The following DYNLRB2 variants were observed in gnomAD, a reference collection of about 807,000 sequenced individuals.
DYNLRB2 encodes the protein dynein light chain roadblock-type 2, also known as bithoraxoid-like protein.
Under a neutral mutation model 12.6 loss-of-function variants are expected in DYNLRB2, and 14 were observed. The observed-to-expected ratio is 1.11, with a 90% CI of 0.73 to 1.73. The LOEUF (loss-of-function observed/expected upper bound fraction) is 1.73, where lower values mean the gene tolerates loss of function less well. DYNLRB2 is among the 40% of genes most tolerant of loss of function. DYNLRB2 has a pLI of 0.00. For missense variants in DYNLRB2, 142 were observed against 117.7 expected, an observed-to-expected ratio of 1.21 and a Z score of -0.95; for synonymous variants, 53 against 37.0, an observed-to-expected ratio of 1.43 and a Z score of -1.57.
chr16:80,540,883 C>A, upstream of DYNLRB2: 1 of 987,170 alleles, frequency 1.0e-6, no homozygotes, highest in Non-Finnish European at 1.6e-6. Flanking sequence ...CTTCCGCGAA[C>A]CTTCGCCTAC....
At chr16:80,541,475 C>A (rs1033477923) in intron 1 of DYNLRB2, 2 of 815,370 alleles carry the variant, frequency 2.5e-6, no homozygotes, top group Non-Finnish European at 3.0e-6. Flanking sequence ...AGAGGTGGGA[C>A]AGGGAAAGCA....
rs1904285079 is a variant in DYNLRB2, at chr16:80,541,195, A to G, written c.3+116A>G. ...ACGGGCGGTCCAGGGGCCGCGGCGG[A>G]GGCTGGTGGCTCCAGGATCTTCCTG... On this transcript the variant is annotated intron_variant, in intron 1 of 3. Transcript: ENST00000305904. The G allele has an allele frequency of 2.1e-6, 3 of 1,461,392 alleles. No homozygotes were observed. The Admixed American group carries it at 8.1e-5, about 39-fold the overall frequency. The allele number at this position is 1,461,392 out of a possible 1,614,324, so 90.5% of individuals were successfully genotyped here. A position where few individuals can be genotyped will look rare whatever the true frequency, so the allele number is the denominator to read the frequency against.
chr16:80,541,532 G>C (rs1904288103), intron 1 of DYNLRB2: 5 of 406,946 alleles, frequency 1.2e-5, no homozygotes, highest in Non-Finnish European at 1.7e-5. Flanking sequence ...AGAAGAAAGG[G>C]AAATAAAGAA....
chr16:80,544,109 C>A (rs1904320494), intron 2 of DYNLRB2, among the ~76,000 whole-genome samples: 1 of 152,140 alleles, frequency 6.6e-6, no homozygotes. Flanking sequence ...TGGAATTGGC[C>A]TATTACCAAC....
intron 2 of DYNLRB2, chr16:80,544,913 C>T (rs1904356404): frequency 6.6e-6 from 1 of 152,078 alleles, no homozygotes; most frequent in African/African-American, 2.4e-5. Context: ...TTATAAGAAC[C>T]CCAGTTATTG....
chr16:80,550,716 T>G lies in DYNLRB2; in HGVS notation c.*158T>G. Reference sequence around the variant, plus strand: ...GCATGTCTCATTTAGTCCCTTTTGATTATATTGTGAAGTTGTACTTTAGTG... The same window carrying G: ...GCATGTCTCATTTAGTCCCTTTTGAGTATATTGTGAAGTTGTACTTTAGTG... On this transcript the variant is annotated 3_prime_UTR_variant, in exon 4 of 4. Coordinates refer to ENST00000305904, the MANE Select transcript of DYNLRB2 (RefSeq NM_130897.3). 1.3e-6 allele frequency: 1 copy of G among 772,576 alleles called. No homozygotes were observed. The highest frequency in any genetic ancestry group is 2.1e-6 in the Non-Finnish European group (1 of 474,554). 47.9% of individuals were successfully genotyped at this position (772,576 alleles called of 1,614,324 possible).
chr16:80,543,431 C>T (rs1312811334), intron 2 of DYNLRB2, 80 bp downstream of exon 2: 1 of 1,354,260 alleles, frequency 7.4e-7, no homozygotes, highest in South Asian at 1.3e-5. Context: ...TTAAGACAAA[C>T]ATCTTCGAAT....
chr16:80,545,578 G>A (rs1904401946), intron 2 of DYNLRB2, among the ~76,000 whole-genome samples: 1 of 148,644 alleles, frequency 6.7e-6, no homozygotes, highest in Non-Finnish European at 1.5e-5. Context: ...GATGAAAAGT[G>A]ATTTTCACTT....
At chr16:80,547,783 T>C in intron 2 of DYNLRB2, 1 of 456,658 alleles carries the variant, frequency 2.2e-6, no homozygotes, top group Non-Finnish European at 4.4e-6. Flanking sequence ...CCTTCAAGTA[T>C]GCAAGACAGC....
At chr16:80,541,908 A>G (rs1278405958) in intron 1 of DYNLRB2, among the ~76,000 whole-genome samples, 3 of 152,250 alleles carry the variant, frequency 2.0e-5, no homozygotes, top group African/African-American at 7.2e-5. Flanking sequence ...TCTCAAAGTC[A>G]GATGCAAACA....
At position 80,550,569 on chromosome 16, in the gene DYNLRB2, G is replaced by T. The variant is rs770603577; in HGVS notation, c.*11G>T. The stretch of plus-strand genomic sequence containing the variant: ...AATCCATGTGAATAGACCTGCGATG[G>T]CCAAGGCTGTTTAAGCGACACTGGG... On this transcript the variant is annotated 3_prime_UTR_variant, in exon 4 of 4. Coordinates refer to ENST00000305904, the MANE Select transcript of DYNLRB2 (RefSeq NM_130897.3). 2 of 1,614,142 alleles carry T rather than the reference G, an allele frequency of 1.2e-6. No homozygotes were observed. The highest frequency in any genetic ancestry group is 1.7e-6 in the Non-Finnish European group (2 of 1,180,006).
In DYNLRB2 at chr16:80,550,683, A is replaced by T. The variant is rs1022004153; in HGVS notation, c.*125A>T. 24 of 1,066,892 alleles carry T rather than the reference A, an allele frequency of 2.2e-5. No individual in the cohort carries two copies. In the African/African-American group the frequency reaches 3.7e-4, roughly 16 times the overall value. The allele number at this position is 1,066,892 out of a possible 1,614,324, so 66.1% of individuals were successfully genotyped here. A position where few individuals can be genotyped will look rare whatever the true frequency, so the allele number is the denominator to read the frequency against. On this transcript the variant is annotated 3_prime_UTR_variant, in exon 4 of 4. Transcript: ENST00000305904. ...CATTCTTTTCTATTTCTATATCTAA[A>T]CTGTTCTGCATGTCTCATTTAGTCC...
chr16:80,549,250 G>T, intron 2 of DYNLRB2: 2 of 438,928 alleles, frequency 4.6e-6, no homozygotes, highest in Non-Finnish European at 8.2e-6. Flanking sequence ...TTATAATTTT[G>T]TGAAGAAAAA....
intron 2 of DYNLRB2, 169 bp from the exon 3 acceptor site, chr16:80,549,315 G>A (rs925312990): frequency 2.6e-5 from 16 of 613,206 alleles, no homozygotes; most frequent in Admixed American, 6.7e-5. Context: ...AAAAATCTAC[G>A]TAGCGACAAA....
intron 1 of DYNLRB2, 52 bp from the exon 2 acceptor site, chr16:80,543,224 T>G: frequency 1.9e-6 from 3 of 1,572,324 alleles, no homozygotes; most frequent in Non-Finnish European, 2.6e-6. Flanking sequence ...CTCCTTAGGG[T>G]TGAAGTTACC....
Position 80,541,034 on chromosome 16 carries a change from G to C in DYNLRB2, c.-43G>C. On this transcript the variant is annotated 5_prime_UTR_variant, in exon 1 of 4. Coordinates refer to ENST00000305904, the MANE Select transcript of DYNLRB2 (RefSeq NM_130897.3). The stretch of plus-strand genomic sequence containing the variant: ...GGGTAGCGTTGTTGACATCCCGGGA[G>C]GCTGTGCCGCCGGCCTGAGCCCAGA... 1.2e-6 allele frequency: 2 copies of C among 1,602,248 alleles called. No individual in the cohort carries two copies. Among genetic ancestry groups the C allele is most frequent in the Non-Finnish European group, 1.7e-6 (2 of 1,172,888 alleles).
intron 3 of DYNLRB2, 98 bp downstream of exon 3, chr16:80,549,749 A>T: frequency 5.8e-6 from 7 of 1,206,328 alleles, no homozygotes; most frequent in Non-Finnish European, 7.7e-6. Flanking sequence ...TTAGTATAGA[A>T]TATAAAACAT....
chr16:80,550,709 C>G lies in DYNLRB2; in HGVS notation c.*151C>G, dbSNP rs539734558. The stretch of plus-strand genomic sequence containing the variant: ...CTGTTCTGCATGTCTCATTTAGTCC[C>G]TTTTGATTATATTGTGAAGTTGTAC... On this transcript the variant is annotated 3_prime_UTR_variant, in exon 4 of 4. Transcript: ENST00000305904. The G allele has an allele frequency of 3.4e-5, 27 of 804,850 alleles. No homozygotes were observed. The South Asian group carries it at 4.2e-4, about 12-fold the overall frequency. The allele number at this position is 804,850 out of a possible 1,614,324, so 49.9% of individuals were successfully genotyped here.
chr16:80,545,394 T>C (rs570690144), intron 2 of DYNLRB2, among the ~76,000 whole-genome samples: 2 of 152,252 alleles, frequency 1.3e-5, no homozygotes, highest in Non-Finnish European at 2.9e-5. Flanking sequence ...ATTTAAAAGG[T>C]TGAAGACTGT....
Sources: allele counts gnomAD v4.1 joint callset (sites outside exome capture counted in the v4.1 genomes callset), GRCh38; gene constraint gnomAD v4.1.1; transcripts MANE v1.5; gene names NCBI Gene and HGNC (gene_info 2026-07-23, HGNC 2026-07-21).